Variants in CACNA2D4 observed in about 807,000 individuals in gnomAD.
CACNA2D4 encodes the protein calcium voltage-gated channel auxiliary subunit alpha2delta 4.
In CACNA2D4, 157 loss-of-function variants were observed where a neutral mutation model predicts 163.8. That is an observed-to-expected ratio of 0.96 (90% confidence interval 0.84 to 1.09). The LOEUF is 1.09. Ranked by LOEUF, CACNA2D4 falls within the 50% of genes least tolerant of loss-of-function variation. The probability of loss-of-function intolerance (pLI) is 0.00; values close to 1 mark genes in which losing one functional copy is unlikely to be tolerated. For missense variants in CACNA2D4, 1,410 were observed against 1,479.9 expected (o/e 0.95, Z 0.78); for synonymous variants, 598 against 586.9 (o/e 1.02, Z -0.27).
rs1278339624 is a variant in CACNA2D4, at chr12:1,883,050, A to T, written c.1352-50T>A. On this transcript the variant is annotated intron_variant, in intron 12 of 37. Transcript: ENST00000382722. The surrounding 1 kb of genome is among the most constrained non-coding windows in gnomAD (Gnocchi z 4.5). ...TGTGGAAGGCAGGGCTTCCCTGGGA[A>T]CCCCTCGCCAGGGCCTGCACCCTCC... The T allele has an allele frequency of 6.4e-7, 1 of 1,573,740 alleles. No individual in the cohort carries two copies. The highest frequency in any genetic ancestry group is 8.6e-7 in the Non-Finnish European group (1 of 1,159,064).
rs182239148 is a variant in CACNA2D4 at position 1,874,502 on chromosome 12, T to G, written c.1878+102A>C. Reference sequence around the variant, plus strand: ...CTAGGTGCAGCAAGCACTCAACTCTTCAGCTATAATTAGGCTAAGTCCAGG... The same window carrying G: ...CTAGGTGCAGCAAGCACTCAACTCTGCAGCTATAATTAGGCTAAGTCCAGG... On this transcript the variant is annotated intron_variant, in intron 18 of 37. Transcript: ENST00000382722. This position sits in a 1 kb window ranked among gnomAD's most constrained non-coding sequence, Gnocchi z 4.4. 2.5e-4 allele frequency: 197 copies of G among 773,802 alleles called. 2 individuals carry two copies. In the Middle Eastern group the frequency reaches 4.0e-3, roughly 16 times the overall value. 47.9% of individuals were successfully genotyped at this position (773,802 alleles called of 1,614,324 possible). A position where few individuals can be genotyped will look rare whatever the true frequency, so the allele number is the denominator to read the frequency against.
At chr12:1,870,343 G>A (rs1865743522) in intron 18 of CACNA2D4, among the ~76,000 whole-genome samples, 1 of 152,126 alleles carries the variant, frequency 6.6e-6, no homozygotes, top group African/African-American at 2.4e-5. Flanking sequence ...AGAGGAGTTT[G>A]TAAACAGATT....
intron 26 of CACNA2D4, chr12:1,835,983 G>T (rs762389802): frequency 2.6e-5 from 4 of 152,318 alleles, no homozygotes; most frequent in Non-Finnish European, 5.9e-5. Flanking sequence ...CAGAGAACAC[G>T]GTGGCTCCCC....
At chr12:1,902,362 C>T (rs1395700365) in intron 6 of CACNA2D4, among the ~76,000 whole-genome samples, 1 of 151,928 alleles carries the variant, frequency 6.6e-6, no homozygotes, top group Non-Finnish European at 1.5e-5. Context: ...AAAGTCCTAC[C>T]CACAGCAATC....
intron 1 of CACNA2D4, among the ~76,000 whole-genome samples, chr12:1,915,732 C>T (rs1173794698): frequency 6.6e-6 from 1 of 152,260 alleles, no homozygotes; most frequent in Non-Finnish European, 1.5e-5. Context: ...AAATGCACCA[C>T]AATCCCACCA....
rs942626903 is a variant in CACNA2D4, at chr12:1,869,363, C to T, written c.1878+5241G>A. 4.6e-5 allele frequency among the ~76,000 whole-genome samples: 7 copies of T among 152,200 alleles called. No individual in the cohort carries two copies. Among genetic ancestry groups the T allele is most frequent in the South Asian group, 2.1e-4 (1 of 4,828 alleles). ...ACCGTCGTGCTTTCTAGGCATGGGCCGAAGCCAGATTCAAAGCCACCCGCT... is the reference window on the plus strand; with the variant it reads ...ACCGTCGTGCTTTCTAGGCATGGGCTGAAGCCAGATTCAAAGCCACCCGCT... On this transcript the variant is annotated intron_variant, in intron 18 of 37. Transcript: ENST00000382722. This position sits in a 1 kb window ranked among gnomAD's most constrained non-coding sequence, Gnocchi z 4.7.
rs1372674469 is a variant in CACNA2D4, at chr12:1,886,015, C to T, written c.1018G>A (p.Glu340Lys). 14 of 1,613,522 alleles carry T rather than the reference C, an allele frequency of 8.7e-6. No individual in the cohort carries two copies. Among genetic ancestry groups the T allele is most frequent in the Admixed American group, 3.3e-5 (2 of 59,994 alleles). ...ACGAGGATCCCTTTAAAACAAGGCT[C>T]GATGTAATGGACGTAGTCATTGTAC... ...IAYNDYVHYI[E>K]PCFKGILVQA... is the part of the protein sequence containing the mutation. The change falls in exon 9 of 38, where the codon GAG becomes AAG. Residue 340 changes from glutamate (E) to lysine (K), a missense_variant. Glu to Lys is a moderately conservative substitution (Grantham distance 56). Coordinates refer to ENST00000382722, the MANE Select transcript of CACNA2D4 (RefSeq NM_172364.5).
chr12:1,822,717 T>A (rs924495996), intron 26 of CACNA2D4, among the ~76,000 whole-genome samples: 2 of 152,226 alleles, frequency 1.3e-5, no homozygotes, highest in Admixed American at 1.3e-4. Context: ...TAGAGATTTT[T>A]AAAACCTGGT....
rs1011303156 is a variant in CACNA2D4, at chr12:1,896,649, A to G, written c.782-9580T>C. ...CACACACACACACACACACACACAC[A>G]CACACAAAACAGATGCTAGCAAGGA... On this transcript the variant is annotated intron_variant, in intron 6 of 37. Coordinates refer to ENST00000382722, the MANE Select transcript of CACNA2D4 (RefSeq NM_172364.5). Among the ~76,000 whole-genome samples the G allele has an allele frequency of 5.3e-4, 78 of 146,420 alleles. 1 individual carries two copies. The East Asian group carries it at 0.011, about 21-fold the overall frequency.
At position 1,820,404 on chromosome 12, in the gene CACNA2D4, C is replaced by T. The variant is rs941142781; in HGVS notation, c.2552-8681G>A. On this transcript the variant is annotated intron_variant, in intron 26 of 37. Coordinates refer to ENST00000382722, the MANE Select transcript of CACNA2D4 (RefSeq NM_172364.5). This position sits in a 1 kb window ranked among gnomAD's most constrained non-coding sequence, Gnocchi z 6.0. ...GGTGAGCGCTGCCCTCGCGGCCGGCCGTGGTGCCTCTGGTGTGCGCCTGTG... is the reference window on the plus strand; with the variant it reads ...GGTGAGCGCTGCCCTCGCGGCCGGCTGTGGTGCCTCTGGTGTGCGCCTGTG... 4 of 152,262 alleles carry T rather than the reference C, an allele frequency of 2.6e-5. No individual in the cohort carries two copies. Among genetic ancestry groups the T allele is most frequent in the African/African-American group, 9.6e-5 (4 of 41,468 alleles). The allele number at this position is 152,262 out of a possible 1,614,324, so 9.4% of individuals were successfully genotyped here. A position where few individuals can be genotyped will look rare whatever the true frequency, so the allele number is the denominator to read the frequency against.
chr12:1,797,303 C>T (rs2154445084), intron 35 of CACNA2D4, 115 bp downstream of exon 35: 1 of 776,744 alleles, frequency 1.3e-6, no homozygotes, highest in Non-Finnish European at 2.2e-6. Context: ...AGACGCATCC[C>T]CTCCTCCCGG....
chr12:1,853,298 T>C (rs537498832), intron 23 of CACNA2D4, among the ~76,000 whole-genome samples: 3 of 152,198 alleles, frequency 2.0e-5, no homozygotes, highest in African/African-American at 7.2e-5. Context: ...CTTTTTTCAA[T>C]AGGAGACTGT....
intron 18 of CACNA2D4, among the ~76,000 whole-genome samples, chr12:1,872,699 AG>A (rs1269167970): frequency 6.6e-6 from 1 of 152,166 alleles, no homozygotes; most frequent in Admixed American, 6.5e-5. Context: ...ACATCAGAGC[AG>A]TGAGAGCCAG....
At chr12:1,839,355 G>GC (rs1443477019) in intron 26 of CACNA2D4, among the ~76,000 whole-genome samples, 1 of 152,212 alleles carries the variant, frequency 6.6e-6, no homozygotes, top group Non-Finnish European at 1.5e-5. Context: ...GCGCTTCATC[G>GC]CAGGGACCTG....
chr12:1,804,121 C>CTGTG (rs57706301), intron 29 of CACNA2D4, among the ~76,000 whole-genome samples: 3,962 of 139,130 alleles, frequency 0.028, 59 homozygotes, highest in African/African-American at 0.051. Flanking sequence ...ATTCTAGTTA[C>CTGTG]TGTGTGTGTG....
intron 18 of CACNA2D4, among the ~76,000 whole-genome samples, chr12:1,866,235 A>T (rs78052740): frequency 0.016 from 2,459 of 152,314 alleles, 62 homozygotes; most frequent in African/African-American, 0.057. Flanking sequence ...ATTACCCTCT[A>T]TCTTTTCTTT....
At chr12:1,914,965 C>T (rs1866929336) in intron 1 of CACNA2D4, 30 bp from the exon 2 acceptor site, 1 of 1,466,034 alleles carries the variant, frequency 6.8e-7, no homozygotes, top group South Asian at 1.1e-5. Context: ...CACGCGTATA[C>T]ACACACGTAC....
intron 30 of CACNA2D4, 109 bp from the exon 31 acceptor site, chr12:1,801,227 G>A (rs1565671244): frequency 8.2e-6 from 7 of 858,708 alleles, no homozygotes; most frequent in South Asian, 5.5e-5. Flanking sequence ...TCCCAAGGGC[G>A]CCTGAGCTAG....
At position 1,810,308 on chromosome 12, in the gene CACNA2D4, C is replaced by A; in HGVS notation, c.2691G>T (p.Gly897=). Residue 897 remains glycine (G), a synonymous_variant, in exon 29 of 38, where the codon GGG becomes GGT. Coordinates refer to ENST00000382722, the MANE Select transcript of CACNA2D4 (RefSeq NM_172364.5). ...DLDCFVIDNN[G]FILISKRSRE... is the part of the protein sequence containing the mutation. ...GGGACCTCTTGGAGATCAGAATGAACCCGTTGTTGTCGATGACGAAGCAGT... is the reference window on the plus strand; with the variant it reads ...GGGACCTCTTGGAGATCAGAATGAAACCGTTGTTGTCGATGACGAAGCAGT... The A allele has an allele frequency of 2.5e-6, 4 of 1,613,958 alleles. No homozygotes were observed. Among genetic ancestry groups the A allele is most frequent in the South Asian group, 1.1e-5 (1 of 91,056 alleles).
Sources: allele counts gnomAD v4.1 joint callset (sites outside exome capture counted in the v4.1 genomes callset), GRCh38; gene constraint gnomAD v4.1.1; non-coding constraint Gnocchi (gnomAD v3.1); transcripts MANE v1.5; gene names NCBI Gene and HGNC (gene_info 2026-07-23, HGNC 2026-07-21).